Variants in COA1 observed in about 807,000 individuals in gnomAD.
COA1 encodes cytochrome c oxidase assembly factor 1 homolog.
COA1 carries 13 observed loss-of-function variants against 16.0 expected under a neutral mutation model. The observed-to-expected ratio is 0.81, with a 90% CI of 0.53 to 1.29. COA1 has a LOEUF of 1.29. Ranked by LOEUF, COA1 falls within the 50% of genes most tolerant of loss-of-function variation. The pLI is 0.00. For synonymous variants in COA1, 65 were observed against 65.7 expected, an observed-to-expected ratio of 0.99 and a Z score of 0.05; for missense variants, 179 against 177.0, an observed-to-expected ratio of 1.01 and a Z score of -0.06.
At chr7:43,612,230 AGCCTTCCTTCT>A (rs2082944021) in intron 6 of COA1, among the ~76,000 whole-genome samples, 1 of 152,328 alleles carries the variant, frequency 6.6e-6, no homozygotes, top group South Asian at 2.1e-4. Flanking sequence ...AAGGGTTCTC[AGCCTTCCTTCT>A]GCCTTCATGC....
intron 4 of COA1, among the ~76,000 whole-genome samples, chr7:43,644,757 GA>G (rs1369951177): frequency 9.2e-4 from 86 of 93,184 alleles, no homozygotes; most frequent in Non-Finnish European, 1.7e-3. Flanking sequence ...TAGATAGATA[GA>G]TAGGCAGGCA....
At chr7:43,688,894 A>G (rs1004340582) in intron 1 of COA1, among the ~76,000 whole-genome samples, 1 of 152,238 alleles carries the variant, frequency 6.6e-6, no homozygotes, top group African/African-American at 2.4e-5. Context: ...ATATGGCTAC[A>G]TCTTGCTACA....
intron 1 of COA1, among the ~76,000 whole-genome samples, chr7:43,694,255 CT>C (rs2094462721): frequency 7.2e-6 from 1 of 138,350 alleles, no homozygotes. Context: ...TAGCTCCCAT[CT>C]TTAAAAAAAA....
At chr7:43,693,165 C>G (rs995799441) in intron 1 of COA1, among the ~76,000 whole-genome samples, 1 of 152,126 alleles carries the variant, frequency 6.6e-6, no homozygotes, top group Admixed American at 6.5e-5. Context: ...CCCAGCAGGC[C>G]TGGAGACAGG....
intron 6 of COA1, among the ~76,000 whole-genome samples, chr7:43,614,116 C>T (rs763624472): frequency 7.9e-4 from 121 of 152,284 alleles, no homozygotes; most frequent in Admixed American, 2.9e-3. Context: ...CACCCTAAGC[C>T]TTATTGAGCA....
chr7:43,616,733 T>A (rs1320049485), intron 6 of COA1, among the ~76,000 whole-genome samples: 1 of 151,946 alleles, frequency 6.6e-6, no homozygotes, highest in Non-Finnish European at 1.5e-5. Flanking sequence ...CCGTCTCTAC[T>A]AAAAATACAA....
chr7:43,666,350 C>T (rs914826743), intron 1 of COA1, among the ~76,000 whole-genome samples: 2 of 152,268 alleles, frequency 1.3e-5, no homozygotes, highest in East Asian at 1.9e-4. Flanking sequence ...GCTGTACCTG[C>T]TTATTAGGCC....
chr7:43,719,032 C>T (rs1459502504), intron 1 of COA1, among the ~76,000 whole-genome samples: 2 of 149,970 alleles, frequency 1.3e-5, no homozygotes, highest in African/African-American at 2.5e-5. Flanking sequence ...AGTGCAGTGG[C>T]GTAATCTCAG....
At chr7:43,685,657 T>C (rs750425780) in intron 1 of COA1, among the ~76,000 whole-genome samples, 8 of 152,202 alleles carry the variant, frequency 5.3e-5, no homozygotes, top group Admixed American at 6.5e-5. Context: ...AATCAGGCTA[T>C]GAAGACCCTC....
intron 1 of COA1, among the ~76,000 whole-genome samples, chr7:43,728,994 T>C: frequency 6.6e-6 from 1 of 152,234 alleles, no homozygotes; most frequent in East Asian, 1.9e-4. Flanking sequence ...GTTATTCAAG[T>C]GTGGTGGGGA....
At chr7:43,630,053 T>TA (rs1359434984) in intron 6 of COA1, among the ~76,000 whole-genome samples, 1 of 152,192 alleles carries the variant, frequency 6.6e-6, no homozygotes, top group Non-Finnish European at 1.5e-5. Context: ...CACACCTGTG[T>TA]GTTTACATTT....
intron 1 of COA1, among the ~76,000 whole-genome samples, chr7:43,690,328 T>C (rs769138153): frequency 2.0e-5 from 3 of 152,076 alleles, no homozygotes; most frequent in Non-Finnish European, 2.9e-5. Flanking sequence ...ACAGCACAAT[T>C]TGCAATTGCA....
chr7:43,710,348 C>CAAA lies in COA1; in HGVS notation c.-39+19078_-39+19080dup, dbSNP rs1165121530. 1.8e-3 allele frequency among the ~76,000 whole-genome samples: 94 copies of CAAA among 52,434 alleles called. 2 individuals are homozygous for CAAA. Among genetic ancestry groups the CAAA allele is most frequent in the Middle Eastern group, 0.024 (1 of 42 alleles). 34.4% of individuals were successfully genotyped at this position (52,434 alleles called of 152,430 possible). A position where few individuals can be genotyped will look rare whatever the true frequency, so the allele number is the denominator to read the frequency against. On this transcript the variant is annotated intron_variant, in intron 1 of 5. Transcript: ENST00000223336. ...TGGGTGAAAGAGCAAGACTCTGTCT[C>CAAA]AAAAAAAAAAAAAAAAAAAAAAAAA...
Position 43,624,691 on chromosome 7 carries a change from T to C in COA1, c.*133+14758A>G, listed in dbSNP as rs76244589. ...GACAAATCAGAAACCAAGGAATCCA[T>C]TGTAACCGAAGAGTTAATTGTAGTT... On this transcript the variant is annotated intron_variant and NMD_transcript_variant, in intron 6 of 6. Coordinates refer to the COA1 transcript ENST00000415076. The C allele has an allele frequency of 4.2e-4, 678 of 1,614,102 alleles. 13 individuals are homozygous for C. The East Asian group carries it at 0.015, about 35-fold the overall frequency.
Position 43,645,281 on chromosome 7 carries a change from C to T in COA1, c.234G>A (p.Arg78=), listed in dbSNP as rs150538738. The T allele has an allele frequency of 1.7e-4, 282 of 1,613,858 alleles. No homozygotes were observed. Among genetic ancestry groups the T allele is most frequent in the Non-Finnish European group, 2.3e-4 (274 of 1,179,968 alleles). ...CATCAACAATGTCCACGAAGTTTTC[C>T]CTGTCGATGAGCTTGAGATAATGGA... ...LNIHYLKLID[R]ENFVDIVDAK... The change falls in exon 4 of 6, where the codon AGG becomes AGA. Residue 78 remains arginine, a synonymous_variant. Transcript: ENST00000223336.
At chr7:43,627,973 TTTTC>T (rs928734099) in intron 6 of COA1, among the ~76,000 whole-genome samples, 18 of 152,200 alleles carry the variant, frequency 1.2e-4, no homozygotes, top group African/African-American at 1.9e-4. Flanking sequence ...GTTTGTTGCT[TTTTC>T]TTGTTTTGTT....
At chr7:43,652,693 C>G (rs2091032728) in intron 1 of COA1, among the ~76,000 whole-genome samples, 1 of 151,416 alleles carries the variant, frequency 6.6e-6, no homozygotes, top group Non-Finnish European at 1.5e-5. Context: ...AATATATCCC[C>G]AAGTTATAAT....
downstream of COA1, among the ~76,000 whole-genome samples, chr7:43,635,790 A>AAAAAT (rs2085768157): frequency 6.6e-6 from 1 of 152,224 alleles, no homozygotes; most frequent in African/African-American, 2.4e-5. Flanking sequence ...CTCGTTTCAT[A>AAAAAT]AAAATAATTT....
chr7:43,681,107 T>G (rs2093750034), intron 1 of COA1, among the ~76,000 whole-genome samples: 1 of 152,176 alleles, frequency 6.6e-6, no homozygotes, highest in African/African-American at 2.4e-5. Context: ...ATCTGTCATT[T>G]TTACCCTCAT....
Sources: allele counts gnomAD v4.1 joint callset (sites outside exome capture counted in the v4.1 genomes callset), GRCh38; gene constraint gnomAD v4.1.1; transcripts MANE v1.5; gene names NCBI Gene and HGNC (gene_info 2026-07-23, HGNC 2026-07-21).